The following PRELID2 variants were observed in gnomAD, a reference collection of about 807,000 sequenced individuals.
The protein encoded by PRELID2 is PRELI domain-containing protein 2.
PRELID2 carries 25 observed loss-of-function variants against 28.4 expected under a neutral mutation model. The observed-to-expected ratio is 0.88, with a 90% CI of 0.64 to 1.23. The LOEUF is 1.23. Ranked by LOEUF, PRELID2 falls within the 50% of genes most tolerant of loss-of-function variation. The pLI is 0.00. For synonymous variants in PRELID2, 76 were observed against 71.6 expected, an observed-to-expected ratio of 1.06 and a Z score of -0.31; for missense variants, 201 against 214.4, an observed-to-expected ratio of 0.94 and a Z score of 0.39.
At chr5:145,511,652 C>T (rs1752462379) in intron 1 of PRELID2, among the ~76,000 whole-genome samples, 1 of 152,194 alleles carries the variant, frequency 6.6e-6, no homozygotes. Context: ...TACAGAATGA[C>T]TGTTTCAACT....
the PRELID2 span, among the ~76,000 whole-genome samples, chr5:145,344,074 A>G: frequency 6.6e-6 from 1 of 152,028 alleles, no homozygotes; most frequent in Non-Finnish European, 1.5e-5. Context: ...ATTCCACCAA[A>G]CATACAAAGA....
the PRELID2 span, among the ~76,000 whole-genome samples, chr5:145,273,010 G>C: frequency 6.6e-6 from 1 of 152,030 alleles, no homozygotes; most frequent in South Asian, 2.1e-4. Flanking sequence ...GGGCCAGAGA[G>C]GCAAACCAAA....
intron 1 of PRELID2, among the ~76,000 whole-genome samples, chr5:145,689,782 C>A (rs1183265590): frequency 6.6e-6 from 1 of 152,162 alleles, no homozygotes; most frequent in Non-Finnish European, 1.5e-5. Flanking sequence ...CTACTGCCCA[C>A]TGGAAGGGCA....
Position 145,729,247 on chromosome 5 carries a change from C to CA in PRELID2, n.70+35683dup, listed in dbSNP as rs940190537. ...CTGAATCTTACAATGAATGATGCTGCAAAAATTGCTAACATACCAAAATCA... is the reference window on the plus strand; with the variant it reads ...CTGAATCTTACAATGAATGATGCTGCAAAAAATTGCTAACATACCAAAATCA... On this transcript the variant is annotated intron_variant and non_coding_transcript_variant, in intron 1 of 2. Coordinates refer to the PRELID2 transcript ENST00000510259. The CA allele has an allele frequency of 7.8e-6, 8 of 1,021,708 alleles. No individual in the cohort carries two copies. In the African/African-American group the frequency reaches 9.7e-5, roughly 12 times the overall value. 63.3% of individuals were successfully genotyped at this position (1,021,708 alleles called of 1,614,324 possible).
At chr5:145,321,633 G>T in the PRELID2 span, among the ~76,000 whole-genome samples, 2 of 152,174 alleles carry the variant, frequency 1.3e-5, no homozygotes, top group Non-Finnish European at 2.9e-5. Flanking sequence ...ACATAAGAGG[G>T]AATGGAAAGC....
chr5:145,531,202 T>A (rs1166703088), intron 1 of PRELID2, among the ~76,000 whole-genome samples: 1 of 152,118 alleles, frequency 6.6e-6, no homozygotes, highest in African/African-American at 2.4e-5. Context: ...CATTGTCTGA[T>A]CTTGTGTATA....
chr5:145,311,921 T>C, the PRELID2 span, among the ~76,000 whole-genome samples: 3 of 152,156 alleles, frequency 2.0e-5, no homozygotes, highest in Non-Finnish European at 2.9e-5. Flanking sequence ...TTAATTGAAA[T>C]GAAAAATTGT....
intron 5 of PRELID2, among the ~76,000 whole-genome samples, chr5:145,785,306 T>A (rs1207504913): frequency 6.6e-6 from 1 of 152,234 alleles, no homozygotes; most frequent in Non-Finnish European, 1.5e-5. Flanking sequence ...TAAAGCTTCA[T>A]ACACAATCCC....
intron 1 of PRELID2, among the ~76,000 whole-genome samples, chr5:145,615,801 G>C (rs1469612597): frequency 6.6e-6 from 1 of 152,008 alleles, no homozygotes; most frequent in Non-Finnish European, 1.5e-5. Context: ...TAATCTTTTT[G>C]CTTTTTAAAT....
At chr5:145,335,920 C>A in the PRELID2 span, among the ~76,000 whole-genome samples, 2 of 152,320 alleles carry the variant, frequency 1.3e-5, 1 homozygote, top group East Asian at 3.9e-4. Context: ...TTCTCCACAT[C>A]CTCTCCAGCA....
At chr5:145,477,244 C>A (rs1423746672) in intron 1 of PRELID2, among the ~76,000 whole-genome samples, 2 of 152,136 alleles carry the variant, frequency 1.3e-5, no homozygotes, top group Non-Finnish European at 2.9e-5. Context: ...TCCAGGAGCA[C>A]AAAAGGCTTT....
the PRELID2 span, among the ~76,000 whole-genome samples, chr5:145,247,936 G>A: frequency 0.083 from 12,552 of 152,060 alleles, 1,122 homozygotes; most frequent in African/African-American, 0.23. Context: ...CCTGTTACCT[G>A]CCTAAAAAAG....
intron 1 of PRELID2, among the ~76,000 whole-genome samples, chr5:145,600,032 T>C (rs1753366600): frequency 6.6e-6 from 1 of 152,046 alleles, no homozygotes; most frequent in South Asian, 2.1e-4. Flanking sequence ...TTTAAAGGCT[T>C]ACAAAGAAAT....
Position 145,758,367 on chromosome 5 carries a change from A to G in PRELID2, c.*2169T>C, listed in dbSNP as rs1477456970. ...AGAGATATTAAGAAAAAAATTAAATATTGTCTGCAAATACCTAAAAGTCAC... is the reference window on the plus strand; with the variant it reads ...AGAGATATTAAGAAAAAAATTAAATGTTGTCTGCAAATACCTAAAAGTCAC... On this transcript the variant is annotated 3_prime_UTR_variant, in exon 7 of 7. Coordinates refer to ENST00000683046, the MANE Select transcript of PRELID2 (RefSeq NM_205846.3). 6.6e-6 allele frequency among the ~76,000 whole-genome samples: 1 copy of G among 152,106 alleles called. No individual in the cohort carries two copies. The highest frequency in any genetic ancestry group is 1.5e-5 in the Non-Finnish European group (1 of 68,024).
At chr5:145,745,439 A>T (rs569436090) in intron 1 of PRELID2, among the ~76,000 whole-genome samples, 1 of 152,322 alleles carries the variant, frequency 6.6e-6, no homozygotes, top group East Asian at 1.9e-4. Flanking sequence ...TGAAGGAAAA[A>T]ATGTTAAAGG....
chr5:145,465,775 G>C, the PRELID2 span, among the ~76,000 whole-genome samples: 2 of 152,026 alleles, frequency 1.3e-5, no homozygotes, highest in African/African-American at 4.8e-5. Flanking sequence ...TTTTGTTAGT[G>C]GCTGAATTAA....
At chr5:145,415,585 C>T in the PRELID2 span, among the ~76,000 whole-genome samples, 16 of 150,714 alleles carry the variant, frequency 1.1e-4, no homozygotes, top group Admixed American at 9.3e-4. Flanking sequence ...CCAATTTCAT[C>T]CATGTCCCTA....
chr5:145,609,959 G>A (rs57791987), intron 1 of PRELID2, among the ~76,000 whole-genome samples: 7,818 of 152,246 alleles, frequency 0.051, 641 homozygotes, highest in African/African-American at 0.17. Context: ...CAGGAACCAC[G>A]ACTGCAGCCT....
chr5:145,788,380 A>G (rs1752139342), intron 5 of PRELID2, among the ~76,000 whole-genome samples: 1 of 152,298 alleles, frequency 6.6e-6, no homozygotes, highest in South Asian at 2.1e-4. Flanking sequence ...ATTGGCCACC[A>G]CGGGTCAAAA....
Sources: allele counts gnomAD v4.1 joint callset (sites outside exome capture counted in the v4.1 genomes callset), GRCh38; gene constraint gnomAD v4.1.1; transcripts MANE v1.5; gene names NCBI Gene and HGNC (gene_info 2026-07-23, HGNC 2026-07-21).